The following ITGB4 variants were observed in gnomAD, a reference collection of about 807,000 sequenced individuals.
ITGB4 encodes the protein integrin beta-4.
In ITGB4, 159 loss-of-function variants were observed where a neutral mutation model predicts 207.6. That is an observed-to-expected ratio of 0.77 (90% CI 0.67 to 0.87). The LOEUF (loss-of-function observed/expected upper bound fraction) is 0.87. Among genes scored for constraint, ITGB4 ranks in the 40% least tolerant of loss-of-function variants. The pLI is 0.00. For missense variants in ITGB4, 2,278 were observed against 2,546.8 expected, an observed-to-expected ratio of 0.89 and a Z score of 2.27; for synonymous variants, 1,020 against 1,062.7, an observed-to-expected ratio of 0.96 and a Z score of 0.78.
At chr17:75,725,971 G>A (rs537712817) in intron 2 of ITGB4, among the ~76,000 whole-genome samples, 37 of 152,378 alleles carry the variant, frequency 2.4e-4, no homozygotes, top group African/African-American at 7.5e-4. Flanking sequence ...GCTGAGGACC[G>A]TCTGGCTGGA....
chr17:75,752,291 C>T lies in ITGB4; in HGVS notation c.3911C>T (p.Ala1304Val). 1 of 1,613,314 alleles carries T rather than the reference C, an allele frequency of 6.2e-7. No homozygotes were observed. Among genetic ancestry groups the T allele is most frequent in the African/African-American group, 1.3e-5 (1 of 75,064 alleles). The change falls in exon 31 of 40, where the codon GCC becomes GTC. Residue 1304 changes from alanine to valine, a missense_variant. Transcript: ENST00000200181. ...YRYTVKARNG[A>V]GWGPEREAII... ...TACACGGTGAAGGCGCGCAACGGGG[C>T]CGGCTGGGGGCCTGAGCGGGAGGCC...
intron 15 of ITGB4, 72 bp downstream of exon 15, chr17:75,736,458 A>G (rs2060977936): frequency 6.2e-7 from 1 of 1,608,932 alleles, no homozygotes; most frequent in Non-Finnish European, 8.5e-7. Flanking sequence ...AGGAGGGGCT[A>G]AGCCTGATGC....
intron 1 of ITGB4, among the ~76,000 whole-genome samples, chr17:75,723,913 T>A (rs541622638): frequency 6.6e-6 from 1 of 152,376 alleles, no homozygotes; most frequent in Admixed American, 6.5e-5. Context: ...CTCAGGGATG[T>A]CCAGTCCTGC....
In ITGB4 at chr17:75,733,623, C is replaced by T. The variant is rs756377315; in HGVS notation, c.1588C>T (p.Arg530Cys). The T allele has an allele frequency of 2.4e-5, 38 of 1,614,036 alleles. No individual in the cohort carries two copies. The African/African-American group carries it at 2.9e-4, about 12-fold the overall frequency. Residue 530 changes from arginine (R) to cysteine (C), a missense_variant, in exon 13 of 40, where the codon CGC becomes TGC. Coordinates refer to ENST00000200181, the MANE Select transcript of ITGB4 (RefSeq NM_000213.5). ...GCACTGTGTGTGCTACGGCGAAGGC[C>T]GCTACGAGGGTCAGTTCTGCGAGTA... is the stretch of plus-strand genomic sequence containing the variant. Reference protein sequence around the residue: ...CGHCVCYGEGRYEGQFCEYDN... With the variant: ...CGHCVCYGEGCYEGQFCEYDN...
chr17:75,737,145 A>C (rs2060995992), intron 16 of ITGB4, among the ~76,000 whole-genome samples, 177 bp from the exon 17 acceptor site: 1 of 152,100 alleles, frequency 6.6e-6, no homozygotes, highest in South Asian at 2.1e-4. Flanking sequence ...GGGAGCCCCC[A>C]CCACACCCGT....
chr17:75,744,274 C>A (rs2061186835), intron 26 of ITGB4, among the ~76,000 whole-genome samples: 1 of 152,172 alleles, frequency 6.6e-6, no homozygotes, highest in Non-Finnish European at 1.5e-5. Context: ...GCATGTGCCA[C>A]CACGCATGTC....
Position 75,722,560 on chromosome 17 carries a change from CAGAACAGCCAAG to C in ITGB4, c.-11+949_-11+960del, listed in dbSNP as rs1366099136. Among the ~76,000 whole-genome samples, 6 of 152,194 alleles carry C rather than the reference CAGAACAGCCAAG, an allele frequency of 3.9e-5. No homozygotes were observed. On this transcript the variant is annotated intron_variant, in intron 1 of 39. Transcript: ENST00000200181. This position sits in a 1 kb window ranked among gnomAD's most constrained non-coding sequence, Gnocchi z 6.2. The stretch of plus-strand genomic sequence containing the variant: ...ACTCGACCCTGATTTCTCAGGGAGA[CAGAACAGCCAAG>C]GGCCTGGGGTCCCCAGACTTCTGGC...
Position 75,729,173 on chromosome 17 carries a change from A to AC in ITGB4, c.567-92_567-91insC. The stretch of plus-strand genomic sequence containing the variant: ...GACTTGGTCTCAAAAAAAAAAAAAA[A>AC]AATTCTCCTTCTAGTTGAAACGAGC... On this transcript the variant is annotated intron_variant, in intron 6 of 39. Transcript: ENST00000200181. This position sits in a 1 kb window ranked among gnomAD's most constrained non-coding sequence, Gnocchi z 4.4. 7.9e-7 allele frequency: 1 copy of AC among 1,267,900 alleles called. No individual in the cohort carries two copies. Among genetic ancestry groups the AC allele is most frequent in the Admixed American group, 2.3e-5 (1 of 43,846 alleles). 78.5% of individuals were successfully genotyped at this position (1,267,900 alleles called of 1,614,324 possible). A position where few individuals can be genotyped will look rare whatever the true frequency, so the allele number is the denominator to read the frequency against.
At chr17:75,746,169 G>C (rs922468299) in intron 26 of ITGB4, 8 of 152,200 alleles carry the variant, frequency 5.3e-5, no homozygotes, top group Admixed American at 4.6e-4. Flanking sequence ...TTGAACTCCT[G>C]GGCTCAAGCA....
rs1599297408 is a variant in ITGB4, at chr17:75,749,974, G to A, written c.3317-137G>A. 4.0e-5 allele frequency: 43 copies of A among 1,084,064 alleles called. No individual in the cohort carries two copies. The South Asian group carries it at 5.0e-4, about 13-fold the overall frequency. 67.2% of individuals were successfully genotyped at this position (1,084,064 alleles called of 1,614,324 possible). A position where few individuals can be genotyped will look rare whatever the true frequency, so the allele number is the denominator to read the frequency against. On this transcript the variant is annotated intron_variant, in intron 27 of 39. Transcript: ENST00000200181. ...TGTGGCAGCAATGGGGCACCACCAG[G>A]TCTCCAGAGACGCGGGTGGGCAGGT...
chr17:75,722,194 G>C lies in ITGB4; in HGVS notation c.-11+582G>C, dbSNP rs888334082. ...TGCCTTCCTCCCAAAGTCAGCCCCA[G>C]GCGCCTTCCTTCAGGAAGCTCTACA... On this transcript the variant is annotated intron_variant, in intron 1 of 39. Coordinates refer to ENST00000200181, the MANE Select transcript of ITGB4 (RefSeq NM_000213.5). This position sits in a 1 kb window ranked among gnomAD's most constrained non-coding sequence, Gnocchi z 6.2. Among the ~76,000 whole-genome samples, 1 of 152,156 alleles carries C rather than the reference G, an allele frequency of 6.6e-6. No individual in the cohort carries two copies. The highest frequency in any genetic ancestry group is 1.5e-5 in the Non-Finnish European group (1 of 68,012).
Position 75,727,608 on chromosome 17 carries a change from C to T in ITGB4, c.265-43C>T, listed in dbSNP as rs1422768880. 2.7e-5 allele frequency: 42 copies of T among 1,581,370 alleles called. No homozygotes were observed. The Middle Eastern group carries it at 6.6e-4, about 25-fold the overall frequency. On this transcript the variant is annotated intron_variant, in intron 4 of 39. Transcript: ENST00000200181. This position sits in a 1 kb window ranked among gnomAD's most constrained non-coding sequence, Gnocchi z 6.0. ...CCGGGCTGGGCCCCCATCGGGCCTC[C>T]GGAGTGACCCTCTAGCCAGCTGTCC...
In ITGB4 at chr17:75,736,614, C is replaced by T. The variant is rs762476489; in HGVS notation, c.1910C>T (p.Ala637Val). Residue 637 changes from alanine (A) to valine (V), a missense_variant, in exon 16 of 40, where the codon GCG (alanine) becomes GTG (valine). Physicochemically the swap from Ala to Val is moderately conservative, Grantham distance 64. Coordinates refer to ENST00000200181, the MANE Select transcript of ITGB4 (RefSeq NM_000213.5). ...CTACGCTCCTGCGTGCAGTGCCAGG[C>T]GTGGGGCACCGGCGAGAAGAAGGGG... Reference protein sequence around the residue: ...EDLRSCVQCQAWGTGEKKGRT... With the variant: ...EDLRSCVQCQVWGTGEKKGRT... 9.4e-6 allele frequency: 15 copies of T among 1,602,820 alleles called. No homozygotes were observed. The highest frequency in any genetic ancestry group is 1.6e-4 in the Middle Eastern group (1 of 6,070).
intron 26 of ITGB4, 142 bp from the exon 27 acceptor site, chr17:75,748,699 A>C: frequency 1.5e-6 from 1 of 646,428 alleles, no homozygotes; most frequent in Non-Finnish European, 2.6e-6. Flanking sequence ...AAAAACACAA[A>C]AACCTGAACC....
chr17:75,736,523 C>T, intron 15 of ITGB4, 42 bp from the exon 16 acceptor site: 1 of 1,590,726 alleles, frequency 6.3e-7, no homozygotes, highest in South Asian at 1.1e-5. Context: ...GGCAGAGGCC[C>T]ACCCAACACA....
chr17:75,730,416 C>T lies in ITGB4; in HGVS notation c.914C>T (p.Pro305Leu), dbSNP rs376322445. 8 of 1,614,080 alleles carry T rather than the reference C, an allele frequency of 5.0e-6. No homozygotes were observed. The highest frequency in any genetic ancestry group is 3.3e-5 in the South Asian group (3 of 91,088). ...ACCCAGTACAGGACACAGGACTACC[C>T]GTCGGTGCCCACCCTGGTGCGCCTG... ...TYTQYRTQDY[P>L]SVPTLVRLLA... The change falls in exon 8 of 40, where the codon CCG becomes CTG. Residue 305 changes from proline (P) to leucine (L), a missense_variant. Transcript: ENST00000200181.
chr17:75,740,097 C>G lies in ITGB4; in HGVS notation c.2446+26C>G, dbSNP rs1163696748. 1.3e-6 allele frequency: 2 copies of G among 1,597,958 alleles called. No homozygotes were observed. Among genetic ancestry groups the G allele is most frequent in the Admixed American group, 3.4e-5 (2 of 58,930 alleles). Reference sequence around the variant, plus strand: ...GTGAGGGCGGGGCTGGGCGCCACAGCTCTGGGCAGTGCCCTTCGGGCCCTC... The same window carrying G: ...GTGAGGGCGGGGCTGGGCGCCACAGGTCTGGGCAGTGCCCTTCGGGCCCTC... On this transcript the variant is annotated intron_variant, in intron 20 of 39. Transcript: ENST00000200181. The surrounding 1 kb of genome is among the most constrained non-coding windows in gnomAD (Gnocchi z 5.9).
rs1288625703 is a variant in ITGB4 at position 75,729,719 on chromosome 17, A to T, written c.738+283A>T. On this transcript the variant is annotated intron_variant, in intron 7 of 39. Coordinates refer to ENST00000200181, the MANE Select transcript of ITGB4 (RefSeq NM_000213.5). This position sits in a 1 kb window ranked among gnomAD's most constrained non-coding sequence, Gnocchi z 4.4. ...CAGACCTGGGCTTTAGCGTTCTGGAATCTTTAGTACCCTGAACCCACCAGC... is the reference window on the plus strand; with the variant it reads ...CAGACCTGGGCTTTAGCGTTCTGGATTCTTTAGTACCCTGAACCCACCAGC... Among the ~76,000 whole-genome samples the T allele has an allele frequency of 6.6e-6, 1 of 152,176 alleles. No homozygotes were observed. The highest frequency in any genetic ancestry group is 1.9e-4 in the East Asian group (1 of 5,194).
chr17:75,734,730 CTG>C (rs2060938674), intron 13 of ITGB4, among the ~76,000 whole-genome samples: 1 of 152,216 alleles, frequency 6.6e-6, no homozygotes, highest in African/African-American at 2.4e-5. Context: ...TTCTCTTCGA[CTG>C]TCTGTCCCTG....
Sources: gnomAD v4.1 joint callset for allele counts (sites outside exome capture counted in the v4.1 genomes callset) on GRCh38, gnomAD v4.1.1 for gene constraint, Gnocchi (gnomAD v3.1) non-coding constraint, MANE v1.5 for transcripts, NCBI Gene and HGNC (gene_info 2026-07-23, HGNC 2026-07-21) for gene names.